The following ARSK variants were observed in gnomAD, a reference collection of about 807,000 sequenced individuals.
ARSK encodes arylsulfatase family member K.
In ARSK, 37 loss-of-function variants were observed where a neutral mutation model predicts 53.2. That is an observed-to-expected ratio of 0.70 (90% confidence interval 0.54 to 0.92). The LOEUF is 0.92. Ranked by LOEUF, ARSK falls within the 40% of genes least tolerant of loss-of-function variation. ARSK has a pLI of 0.00. For synonymous variants in ARSK, 208 were observed against 223.2 expected, an observed-to-expected ratio of 0.93 and a Z score of 0.61; for missense variants, 613 against 643.0, an observed-to-expected ratio of 0.95 and a Z score of 0.51.
At position 95,560,801 on chromosome 5, in the gene ARSK, TC is replaced by T. The variant is rs375223981; in HGVS notation, c.127-5196del. Among the ~76,000 whole-genome samples, 628 of 116,064 alleles carry T rather than the reference TC, an allele frequency of 5.4e-3. 4 individuals carry two copies. Among genetic ancestry groups the T allele is most frequent in the Non-Finnish European group, 7.8e-3 (463 of 59,302 alleles). The allele number at this position is 116,064 out of a possible 152,430, so 76.1% of individuals were successfully genotyped here. A position where few individuals can be genotyped will look rare whatever the true frequency, so the allele number is the denominator to read the frequency against. ...AGGCAATTAAAAGATGGGCAAAAGATCTTTTTTTTTTTTTTTTTTTTGAAAT... is the reference window on the plus strand; with the variant it reads ...AGGCAATTAAAAGATGGGCAAAAGATTTTTTTTTTTTTTTTTTTTTGAAAT... On this transcript the variant is annotated intron_variant, in intron 1 of 7. Coordinates refer to ENST00000380009, the MANE Select transcript of ARSK (RefSeq NM_198150.3).
At chr5:95,573,687 G>A (rs1464920033) in intron 3 of ARSK, among the ~76,000 whole-genome samples, 10 of 152,142 alleles carry the variant, frequency 6.6e-5, no homozygotes, top group Non-Finnish European at 1.3e-4. Flanking sequence ...GTCTGCTCAT[G>A]TAGGTTAATA....
chr5:95,603,621 A>G lies in ARSK; in HGVS notation c.*95A>G. The G allele has an allele frequency of 8.1e-7, 1 of 1,234,208 alleles. No individual in the cohort carries two copies. The allele number at this position is 1,234,208 out of a possible 1,614,324, so 76.5% of individuals were successfully genotyped here. A position where few individuals can be genotyped will look rare whatever the true frequency, so the allele number is the denominator to read the frequency against. ...AAATGAAACAGTTTTAATAATTACCAAGTTTTGGCCGGGCACAGTGGCTCA... is the reference window on the plus strand; with the variant it reads ...AAATGAAACAGTTTTAATAATTACCGAGTTTTGGCCGGGCACAGTGGCTCA... On this transcript the variant is annotated 3_prime_UTR_variant, in exon 8 of 8. Transcript: ENST00000380009.
chr5:95,582,669 G>C (rs1304782788), intron 3 of ARSK, among the ~76,000 whole-genome samples: 1 of 152,076 alleles, frequency 6.6e-6, no homozygotes, highest in Non-Finnish European at 1.5e-5. Context: ...AAAGTTAACT[G>C]TTCTACATAA....
chr5:95,571,061 G>A (rs1006278046), intron 3 of ARSK, among the ~76,000 whole-genome samples: 1 of 152,230 alleles, frequency 6.6e-6, no homozygotes, highest in Admixed American at 6.5e-5. Context: ...GATTACAGGC[G>A]TGAGCCACTG....
intron 2 of ARSK, among the ~76,000 whole-genome samples, chr5:95,567,048 G>A (rs1748736467): frequency 1.3e-5 from 2 of 152,158 alleles, no homozygotes; most frequent in African/African-American, 2.4e-5. Flanking sequence ...CAATGACCTG[G>A]ATGCTAATCC....
chr5:95,571,807 G>A (rs1169146461), intron 3 of ARSK, among the ~76,000 whole-genome samples: 2 of 152,194 alleles, frequency 1.3e-5, no homozygotes, highest in South Asian at 2.1e-4. Context: ...ATAGGTCAAG[G>A]TTGCTGTTAA....
chr5:95,588,339 C>T (rs1027801407), intron 5 of ARSK, among the ~76,000 whole-genome samples: 7 of 150,680 alleles, frequency 4.6e-5, no homozygotes, highest in Non-Finnish European at 1.0e-4. Context: ...TGGGTTCAAG[C>T]GATTCTCCTG....
At chr5:95,556,485 C>A in intron 1 of ARSK, 1 of 439,698 alleles carries the variant, frequency 2.3e-6, no homozygotes, top group Non-Finnish European at 4.1e-6. Context: ...GGAGAACAGA[C>A]CTTTCCACCT....
chr5:95,557,177 C>A (rs1331690050), intron 1 of ARSK: 2 of 152,120 alleles, frequency 1.3e-5, no homozygotes, highest in Non-Finnish European at 2.9e-5. Context: ...TATTTGACAG[C>A]TTGCTTTAAC....
At chr5:95,583,643 A>G (rs1749059390) in intron 4 of ARSK, among the ~76,000 whole-genome samples, 1 of 152,134 alleles carries the variant, frequency 6.6e-6, no homozygotes, top group Non-Finnish European at 1.5e-5. Context: ...AAATAAACTA[A>G]TATTTATATA....
At chr5:95,568,567 C>T (rs1000391670) in intron 3 of ARSK, among the ~76,000 whole-genome samples, 1 of 152,128 alleles carries the variant, frequency 6.6e-6, no homozygotes, top group East Asian at 1.9e-4. Context: ...GTAGTCTGAT[C>T]TTGGACACAT....
At position 95,555,715 on chromosome 5, in the gene ARSK, G is replaced by A. The variant is rs891679373; in HGVS notation, c.126+311G>A. Among the ~76,000 whole-genome samples the A allele has an allele frequency of 1.3e-5, 2 of 152,026 alleles. No individual in the cohort carries two copies. The highest frequency in any genetic ancestry group is 2.4e-5 in the African/African-American group (1 of 41,378). On this transcript the variant is annotated intron_variant, in intron 1 of 7. Transcript: ENST00000380009. The surrounding 1 kb of genome is among the most constrained non-coding windows in gnomAD (Gnocchi z 4.0). ...AACTTTCAGTCCATACCCCCGTTTG[G>A]TTTAATTGTGTGGTAAAATAACATT...
chr5:95,601,401 C>T (rs1237854377), intron 7 of ARSK, among the ~76,000 whole-genome samples: 8 of 152,172 alleles, frequency 5.3e-5, no homozygotes, highest in Non-Finnish European at 4.4e-5. Flanking sequence ...AGGATTAACA[C>T]CTATCTTATG....
chr5:95,562,960 A>G (rs557690747), intron 1 of ARSK, among the ~76,000 whole-genome samples: 3 of 152,242 alleles, frequency 2.0e-5, no homozygotes, highest in Non-Finnish European at 4.4e-5. Context: ...TGTAAACCAC[A>G]TTAACATACT....
intron 6 of ARSK, among the ~76,000 whole-genome samples, chr5:95,595,219 T>G (rs1749287279): frequency 6.6e-6 from 1 of 152,150 alleles, no homozygotes; most frequent in African/African-American, 2.4e-5. Flanking sequence ...AGGGGAACAC[T>G]TATACAGTGT....
intron 7 of ARSK, among the ~76,000 whole-genome samples, chr5:95,601,560 A>G (rs1749402213): frequency 1.3e-5 from 2 of 152,198 alleles, no homozygotes; most frequent in Admixed American, 6.6e-5. Context: ...TGAGATTTCA[A>G]CGAAGCTGTG....
At chr5:95,570,460 G>A (rs1311509259) in intron 3 of ARSK, among the ~76,000 whole-genome samples, 1 of 152,208 alleles carries the variant, frequency 6.6e-6, no homozygotes, top group African/African-American at 2.4e-5. Flanking sequence ...CATCAGAGCA[G>A]TCAGATACCC....
intron 1 of ARSK, among the ~76,000 whole-genome samples, chr5:95,562,931 C>G (rs148061451): frequency 0.011 from 1,712 of 152,328 alleles, 30 homozygotes; most frequent in African/African-American, 0.039. Flanking sequence ...TGTGTTTTCA[C>G]TTATAACTGG....
chr5:95,573,356 T>A (rs1272021725), intron 3 of ARSK, among the ~76,000 whole-genome samples: 1 of 152,216 alleles, frequency 6.6e-6, no homozygotes, highest in East Asian at 1.9e-4. Flanking sequence ...ATAAAAAATT[T>A]AATATTAAGT....
Sources: allele counts gnomAD v4.1 joint callset (sites outside exome capture counted in the v4.1 genomes callset), GRCh38; gene constraint gnomAD v4.1.1; non-coding constraint Gnocchi (gnomAD v3.1); transcripts MANE v1.5; gene names NCBI Gene and HGNC (gene_info 2026-07-23, HGNC 2026-07-21).